Variants in TTC7B observed in about 807,000 individuals in gnomAD.
TTC7B encodes the protein tetratricopeptide repeat protein 7B.
A neutral mutation model predicts 106.8 loss-of-function variants in TTC7B; 28 were observed. The observed-to-expected ratio is 0.26, with a 90% CI of 0.19 to 0.36. The LOEUF (loss-of-function observed/expected upper bound fraction) is 0.36, where lower values mean the gene tolerates loss of function less well. Ranked by LOEUF, TTC7B falls within the 10% of genes least tolerant of loss-of-function variation. TTC7B has a pLI of 1.00. For synonymous variants in TTC7B, 405 were observed against 430.6 expected, an observed-to-expected ratio of 0.94 and a Z score of 0.74; for missense variants, 862 against 1,076.4, an observed-to-expected ratio of 0.80 and a Z score of 2.79.
At chr14:90,563,782 C>T (rs562360001) in intron 19 of TTC7B, among the ~76,000 whole-genome samples, 2 of 152,336 alleles carry the variant, frequency 1.3e-5, no homozygotes, top group East Asian at 3.9e-4. Flanking sequence ...CAACAATGTT[C>T]ACAATGTCTT....
intron 15 of TTC7B, among the ~76,000 whole-genome samples, chr14:90,637,888 C>T (rs1047612770): frequency 6.6e-6 from 1 of 152,148 alleles, no homozygotes; most frequent in Non-Finnish European, 1.5e-5. Context: ...TACAAACAAA[C>T]CTGTAACAAG....
At chr14:90,784,874 A>G (rs1421311053) in intron 2 of TTC7B, among the ~76,000 whole-genome samples, 1 of 152,174 alleles carries the variant, frequency 6.6e-6, no homozygotes, top group Non-Finnish European at 1.5e-5. Context: ...CGTGCATACA[A>G]CATACACAGA....
At chr14:90,622,573 T>C (rs1184759813) in intron 15 of TTC7B, among the ~76,000 whole-genome samples, 1 of 151,826 alleles carries the variant, frequency 6.6e-6, no homozygotes. Context: ...TACAAAAAAA[T>C]ATAAAAATTA....
chr14:90,660,990 T>A (rs1886182373), intron 9 of TTC7B, among the ~76,000 whole-genome samples: 1 of 152,170 alleles, frequency 6.6e-6, no homozygotes, highest in Non-Finnish European at 1.5e-5. Flanking sequence ...CAGGAGTGGC[T>A]GGGCGAGGCC....
At chr14:90,606,943 T>C (rs763811324) in intron 17 of TTC7B, among the ~76,000 whole-genome samples, 16 of 152,138 alleles carry the variant, frequency 1.1e-4, no homozygotes, top group African/African-American at 1.7e-4. Context: ...ATAATAGTAT[T>C]GTAGTTATAT....
chr14:90,616,443 G>A (rs1417614882), intron 16 of TTC7B, among the ~76,000 whole-genome samples: 1 of 152,176 alleles, frequency 6.6e-6, no homozygotes, highest in African/African-American at 2.4e-5. Context: ...ACCAAGCGAA[G>A]GGCGGGTGCG....
At chr14:90,723,380 G>A (rs1888968264) in intron 5 of TTC7B, among the ~76,000 whole-genome samples, 1 of 152,178 alleles carries the variant, frequency 6.6e-6, no homozygotes, top group Non-Finnish European at 1.5e-5. Flanking sequence ...TTGTCCTGGT[G>A]ACTCAGGGAC....
At chr14:90,643,195 T>C (rs1014457222) in intron 15 of TTC7B, among the ~76,000 whole-genome samples, 2 of 151,910 alleles carry the variant, frequency 1.3e-5, no homozygotes, top group Admixed American at 6.6e-5. Flanking sequence ...GATCGTGAGG[T>C]CAGGAGTTCA....
intron 9 of TTC7B, among the ~76,000 whole-genome samples, chr14:90,670,945 G>A (rs937141572): frequency 2.0e-5 from 3 of 152,144 alleles, no homozygotes; most frequent in Non-Finnish European, 4.4e-5. Flanking sequence ...TAAAACCAAA[G>A]GAAAGGGGGC....
intron 17 of TTC7B, among the ~76,000 whole-genome samples, chr14:90,606,356 G>A (rs891817145): frequency 5.3e-5 from 8 of 152,042 alleles, no homozygotes; most frequent in Non-Finnish European, 1.0e-4. Flanking sequence ...CATGGCAACG[G>A]GGAGACCACC....
At chr14:90,723,667 C>T (rs549704239) in intron 5 of TTC7B, among the ~76,000 whole-genome samples, 10 of 152,282 alleles carry the variant, frequency 6.6e-5, no homozygotes, top group African/African-American at 2.2e-4. Context: ...TCACCTCCTC[C>T]GGAGACCTGG....
chr14:90,777,878 G>A (rs760569364), intron 3 of TTC7B, among the ~76,000 whole-genome samples: 3 of 152,222 alleles, frequency 2.0e-5, no homozygotes, highest in Admixed American at 6.5e-5. Flanking sequence ...TGACATTTAC[G>A]TTGCGCTCAC....
At position 90,789,171 on chromosome 14, in the gene TTC7B, A is replaced by C. The variant is rs1891493903; in HGVS notation, c.122-2843T>G. ...GGCTGGAGTGCAATGGCACAATCTC[A>C]GCTCACTGCAACCTTCGCCTGGGTT... is the stretch of plus-strand genomic sequence containing the variant. On this transcript the variant is annotated intron_variant, in intron 1 of 19. Transcript: ENST00000328459. 2.6e-5 allele frequency among the ~76,000 whole-genome samples: 4 copies of C among 152,144 alleles called. No homozygotes were observed. The South Asian group carries it at 8.3e-4, about 32-fold the overall frequency.
intron 9 of TTC7B, among the ~76,000 whole-genome samples, chr14:90,664,518 G>A (rs143354053): frequency 0.03 from 4,504 of 152,250 alleles, 195 homozygotes; most frequent in African/African-American, 0.1. Context: ...CAATCCGCCC[G>A]CCTCGGCCTC....
chr14:90,636,604 A>T (rs1884955994), intron 15 of TTC7B, among the ~76,000 whole-genome samples: 1 of 152,086 alleles, frequency 6.6e-6, no homozygotes, highest in African/African-American at 2.4e-5. Flanking sequence ...TGCAGAAAAC[A>T]TTCTTTTCAG....
At chr14:90,748,054 A>G (rs1890024396) in intron 3 of TTC7B, among the ~76,000 whole-genome samples, 1 of 152,050 alleles carries the variant, frequency 6.6e-6, no homozygotes, top group South Asian at 2.1e-4. Flanking sequence ...AACAGAGTTG[A>G]GTTTTGCTTA....
intron 16 of TTC7B, among the ~76,000 whole-genome samples, chr14:90,612,650 T>C (rs1024565770): frequency 6.6e-6 from 1 of 152,242 alleles, no homozygotes; most frequent in Non-Finnish European, 1.5e-5. Flanking sequence ...TGTGCCTCAC[T>C]GACTTCCCTG....
chr14:90,679,972 A>T (rs2139927976), intron 8 of TTC7B, among the ~76,000 whole-genome samples: 2 of 152,346 alleles, frequency 1.3e-5, no homozygotes, highest in East Asian at 3.9e-4. Context: ...GAGCTGGAAG[A>T]GACAACAAGG....
At chr14:90,632,955 A>G (rs1884765563) in intron 15 of TTC7B, among the ~76,000 whole-genome samples, 1 of 152,262 alleles carries the variant, frequency 6.6e-6, no homozygotes, top group Non-Finnish European at 1.5e-5. Flanking sequence ...TGAATGTTAT[A>G]TATGTTCACT....
Sources: allele counts gnomAD v4.1 joint callset (sites outside exome capture counted in the v4.1 genomes callset), GRCh38; gene constraint gnomAD v4.1.1; transcripts MANE v1.5; gene names NCBI Gene and HGNC (gene_info 2026-07-23, HGNC 2026-07-21).